The following LRRC37B variants were observed in gnomAD, a reference collection of about 807,000 sequenced individuals.
LRRC37B encodes leucine rich repeat containing 37B.
In LRRC37B, 28 loss-of-function variants were observed where a neutral mutation model predicts 98.3. That is an observed-to-expected ratio of 0.28 (90% CI 0.21 to 0.39). The LOEUF (loss-of-function observed/expected upper bound fraction) is 0.39. Ranked by LOEUF, LRRC37B falls within the 10% of genes least tolerant of loss-of-function variation. LRRC37B has a pLI of 1.00. For synonymous variants in LRRC37B, 364 were observed against 442.7 expected (o/e 0.82, Z 2.23); for missense variants, 938 against 1,182.7 (o/e 0.79, Z 3.03).
At chr17:32,047,972 A>C in intron 9 of LRRC37B, 71 bp downstream of exon 12, 2 of 1,612,808 alleles carry the variant, frequency 1.2e-6, no homozygotes, top group Non-Finnish European at 1.7e-6. Flanking sequence ...CTTATCTCTC[A>C]CTGGGAAATC....
intron 7 of LRRC37B, 40 bp from the exon 11 acceptor site, chr17:32,045,660 G>A (rs1178769977): frequency 3.7e-6 from 6 of 1,601,692 alleles, no homozygotes; most frequent in African/African-American, 2.7e-5. Flanking sequence ...TCAAGTAACC[G>A]CTTTACCACT....
chr17:32,042,815 A>G (rs1171064838), intron 7 of LRRC37B: 1 of 114,712 alleles, frequency 8.7e-6, no homozygotes, highest in Non-Finnish European at 1.7e-5. Context: ...TTGTAAACAG[A>G]AGTATTAAAG....
At chr17:32,019,155 G>A (rs1270381512), upstream of LRRC37B, among the ~76,000 whole-genome samples, 1 of 152,182 alleles carries the variant, frequency 6.6e-6, no homozygotes, top group Non-Finnish European at 1.5e-5. Context: ...TCGAACTCCT[G>A]ACCTCAGGTG....
intron 7 of LRRC37B, among the ~76,000 whole-genome samples, chr17:32,043,755 T>C (rs1398657149): frequency 3.2e-4 from 48 of 152,176 alleles, no homozygotes; most frequent in South Asian, 4.1e-4. Flanking sequence ...CAGTTTTAAT[T>C]TAAAACTCTA....
chr17:32,026,040 T>G (rs1171643684), intron 2 of LRRC37B, among the ~76,000 whole-genome samples: 1 of 152,234 alleles, frequency 6.6e-6, no homozygotes, highest in Non-Finnish European at 1.5e-5. Flanking sequence ...TTTCTGTCCT[T>G]TGTTCATTTT....
upstream of LRRC37B, among the ~76,000 whole-genome samples, chr17:32,019,626 TAG>T (rs1456445071): frequency 6.6e-6 from 1 of 152,252 alleles, no homozygotes; most frequent in African/African-American, 2.4e-5. Flanking sequence ...AATTTGGGGC[TAG>T]AGTGTTTTAT....
chr17:32,026,205 A>C (rs1262151908), intron 2 of LRRC37B, among the ~76,000 whole-genome samples: 1 of 152,232 alleles, frequency 6.6e-6, no homozygotes, highest in African/African-American at 2.4e-5. Flanking sequence ...CAAGACATAC[A>C]TGAGTTCTAA....
chr17:32,035,508 G>C, intron 6 of LRRC37B, 57 bp from the exon 10 acceptor site: 1 of 1,525,696 alleles, frequency 6.6e-7, no homozygotes, highest in Non-Finnish European at 9.0e-7. Flanking sequence ...ATTATCTTTT[G>C]AAGTACAGAA....
intron 11 of LRRC37B, chr17:32,053,049 T>C: frequency 5.5e-6 from 3 of 543,954 alleles, no homozygotes; most frequent in South Asian, 4.7e-5. Context: ...TCTGGTATGG[T>C]GTGGGGGCGA....
chr17:32,045,523 T>G, intron 7 of LRRC37B, 177 bp from the exon 11 acceptor site: 1 of 627,110 alleles, frequency 1.6e-6, no homozygotes, highest in South Asian at 1.8e-5. Flanking sequence ...ATGCTTACCC[T>G]TCAGTTGGGC....
At chr17:32,034,689 T>G (rs1911198355) in intron 5 of LRRC37B, among the ~76,000 whole-genome samples, 1 of 151,964 alleles carries the variant, frequency 6.6e-6, no homozygotes, top group Admixed American at 6.6e-5. Context: ...TGTTTTTTTT[T>G]TCTATTTCTT....
intron 7 of LRRC37B, chr17:32,040,738 G>T: frequency 1.3e-6 from 1 of 796,710 alleles, no homozygotes; most frequent in South Asian, 1.3e-5. Context: ...AAGGAGCTGG[G>T]CAACGAGTCC....
At chr17:32,050,876 G>A (rs1164264232) in intron 11 of LRRC37B, among the ~76,000 whole-genome samples, 3 of 152,104 alleles carry the variant, frequency 2.0e-5, no homozygotes, top group African/African-American at 7.2e-5. Context: ...GCCTCTTTTT[G>A]CCTTTTGTTT....
At chr17:32,015,966 C>T (rs1171186391) in intron 1 of LRRC37B, among the ~76,000 whole-genome samples, 1 of 152,122 alleles carries the variant, frequency 6.6e-6, no homozygotes, top group African/African-American at 2.4e-5. Flanking sequence ...TAGGATTTCT[C>T]AGAATTTCAG....
At chr17:32,024,897 A>G (rs1177224493) in intron 2 of LRRC37B, 115 bp downstream of exon 5, 1 of 1,377,372 alleles carries the variant, frequency 7.3e-7, no homozygotes, top group African/African-American at 1.4e-5. Flanking sequence ...CCATACCCCA[A>G]ATCAGCCTCT....
At chr17:32,042,794 A>G (rs1283232258) in intron 7 of LRRC37B, 2 of 149,146 alleles carry the variant, frequency 1.3e-5, no homozygotes, top group Non-Finnish European at 3.0e-5. Flanking sequence ...ACTGAAATGT[A>G]TGCCCGAATT....
At chr17:32,052,393 T>G (rs1409348843) in intron 11 of LRRC37B, 1 of 152,200 alleles carries the variant, frequency 6.6e-6, no homozygotes, top group Non-Finnish European at 1.5e-5. Context: ...CAGGCTGGTT[T>G]TCCTGCCACT....
intron 7 of LRRC37B, among the ~76,000 whole-genome samples, chr17:32,044,961 G>T (rs1193230229): frequency 6.6e-6 from 1 of 152,160 alleles, no homozygotes; most frequent in African/African-American, 2.4e-5. Flanking sequence ...TTTGAGATCA[G>T]TGAAGATCCT....
chr17:32,047,052 A>G (rs372199032), intron 8 of LRRC37B: 2 of 153,872 alleles, frequency 1.3e-5, no homozygotes, highest in African/African-American at 4.8e-5. Flanking sequence ...CAACATAGGC[A>G]TACAATCTGG....
Sources: gnomAD v4.1 joint callset for allele counts (sites outside exome capture counted in the v4.1 genomes callset) on GRCh38, gnomAD v4.1.1 for gene constraint, MANE v1.5 for transcripts, NCBI Gene and HGNC (gene_info 2026-07-23, HGNC 2026-07-21) for gene names.